The following ECT2 variants were observed in gnomAD, a reference collection of about 807,000 sequenced individuals.
ECT2 encodes epithelial cell transforming 2, also known as protein ECT2.
In ECT2, 61 loss-of-function variants were observed where a neutral mutation model predicts 116.9. That is an observed-to-expected ratio of 0.52 (90% CI 0.42 to 0.65). ECT2 has a LOEUF of 0.65. Among genes scored for constraint, ECT2 ranks in the 30% least tolerant of loss-of-function variants. The pLI, the probability that ECT2 is intolerant of heterozygous loss-of-function variation, is 0.00. For missense variants in ECT2, 937 were observed against 1,078.7 expected (o/e 0.87, Z 1.84); for synonymous variants, 358 against 346.4 (o/e 1.03, Z -0.37).
At chr3:172,801,819 T>G (rs1726771242) in intron 18 of ECT2, among the ~76,000 whole-genome samples, 4 of 152,210 alleles carry the variant, frequency 2.6e-5, no homozygotes. Flanking sequence ...TTTGACCAAT[T>G]TTTTTAGTTG....
intron 18 of ECT2, among the ~76,000 whole-genome samples, chr3:172,790,356 A>G (rs766164565): frequency 2.0e-5 from 3 of 152,220 alleles, no homozygotes; most frequent in Non-Finnish European, 2.9e-5. Flanking sequence ...CATTCCTACC[A>G]AGGGAAGAAA....
At chr3:172,769,479 A>T (rs1039177518) in intron 13 of ECT2, among the ~76,000 whole-genome samples, 1 of 152,112 alleles carries the variant, frequency 6.6e-6, no homozygotes, top group East Asian at 1.9e-4. Context: ...ACTTTTTCTG[A>T]AAGTATGGGT....
intron 18 of ECT2, among the ~76,000 whole-genome samples, chr3:172,787,603 C>T (rs1479941707): frequency 1.3e-5 from 2 of 151,998 alleles, no homozygotes; most frequent in Non-Finnish European, 2.9e-5. Flanking sequence ...TGCTTTTTTT[C>T]CCCTAGGACC....
At chr3:172,773,114 C>T (rs1174073130) in intron 13 of ECT2, among the ~76,000 whole-genome samples, 1 of 152,098 alleles carries the variant, frequency 6.6e-6, no homozygotes, top group Non-Finnish European at 1.5e-5. Flanking sequence ...ATTTATAAAT[C>T]AATTTGAGGG....
At chr3:172,822,668 G>A (rs2109454338), downstream of ECT2, among the ~76,000 whole-genome samples, 1 of 152,020 alleles carries the variant, frequency 6.6e-6, no homozygotes, top group Middle Eastern at 3.4e-3. Flanking sequence ...CAATCAAAAA[G>A]ATAATATAAG....
rs1723143356 is a variant in ECT2, at chr3:172,783,836, A to T, written c.1655A>T (p.Asn552Ile). The change falls in exon 16 of 25, where the codon AAC becomes ATC. Residue 552 changes from asparagine to isoleucine, a missense_variant. Physicochemically the swap from Asn to Ile is moderately radical, Grantham distance 149 (BLOSUM62 -3). Coordinates refer to ENST00000392692, the MANE Select transcript of ECT2 (RefSeq NM_001258315.2). ...DLVKTYPPFV[N>I]FFEMSKETII... is the part of the protein sequence containing the mutation. ...GTAAAAACCTACCCTCCCTTTGTAA[A>T]CTTCTTTGAAATGAGCAAGGAAACA... 1 of 1,605,662 alleles carries T rather than the reference A, an allele frequency of 6.2e-7. No individual in the cohort carries two copies. Among genetic ancestry groups the T allele is most frequent in the Admixed American group, 1.7e-5 (1 of 58,566 alleles).
rs1730666880 is a variant in ECT2, at chr3:172,821,373, T to TGG, written c.*1137_*1138insGG. ...TGACTATAGATTGTTTTCTATGCCA[T>TGG]GTATGTGCCACTTCTGAGAGTAGTA... is the stretch of plus-strand genomic sequence containing the variant. On this transcript the variant is annotated 3_prime_UTR_variant, in exon 25 of 25. Coordinates refer to ENST00000392692, the MANE Select transcript of ECT2 (RefSeq NM_001258315.2). The TGG allele has an allele frequency of 6.6e-6, 1 of 151,942 alleles. No individual in the cohort carries two copies. The allele number at this position is 151,942 out of a possible 1,614,324, so 9.4% of individuals were successfully genotyped here.
At chr3:172,792,885 C>CT (rs1164846386) in intron 18 of ECT2, among the ~76,000 whole-genome samples, 1 of 151,888 alleles carries the variant, frequency 6.6e-6, no homozygotes, top group African/African-American at 2.4e-5. Flanking sequence ...TGCCTGGCTA[C>CT]TTTTTTGTAT....
chr3:172,762,478 G>T lies in ECT2; in HGVS notation c.821G>T (p.Cys274Phe). 1 of 1,598,164 alleles carries T rather than the reference G, an allele frequency of 6.3e-7. No individual in the cohort carries two copies. Among genetic ancestry groups the T allele is most frequent in the South Asian group, 1.1e-5 (1 of 88,358 alleles). Residue 274 changes from cysteine (C) to phenylalanine (F), a missense_variant, in exon 9 of 25, where the codon TGT becomes TTT. By Grantham distance (205) the Cys-to-Phe change is radical. Coordinates refer to ENST00000392692, the MANE Select transcript of ECT2 (RefSeq NM_001258315.2). ...NEFKVPPFQD[C>F]ILSFLGFSDE... is the part of the protein sequence containing the mutation. ...TTTAAAGTTCCTCCATTTCAAGATT[G>T]TATTTTAAGTTTCCTGGGATTTTCA...
chr3:172,817,498 T>G (rs1295403060), intron 24 of ECT2, among the ~76,000 whole-genome samples: 5 of 152,082 alleles, frequency 3.3e-5, no homozygotes, highest in African/African-American at 1.2e-4. Context: ...TCCAATGACA[T>G]AGCAGAGACC....
the ECT2 span, among the ~76,000 whole-genome samples, chr3:172,827,681 G>A: frequency 6.6e-6 from 1 of 152,194 alleles, no homozygotes; most frequent in Non-Finnish European, 1.5e-5. Flanking sequence ...CAAAGATACA[G>A]TTAGATAGAA....
intron 7 of ECT2, 111 bp downstream of exon 7, chr3:172,760,374 A>G (rs771694856): frequency 5.4e-6 from 3 of 552,950 alleles, no homozygotes; most frequent in Non-Finnish European, 9.1e-6. Flanking sequence ...GAGAAACTCA[A>G]TTTTTGCTAT....
rs1730535407 is a variant in ECT2, at chr3:172,820,349, A to C, written c.*112A>C. 1 of 612,574 alleles carries C rather than the reference A, an allele frequency of 1.6e-6. No individual in the cohort carries two copies. Among genetic ancestry groups the C allele is most frequent in the Non-Finnish European group, 2.6e-6 (1 of 380,972 alleles). The allele number at this position is 612,574 out of a possible 1,614,324, so 37.9% of individuals were successfully genotyped here. ...ACTTGGTGAAAGCTGGAAGGAAGAT[A>C]AATAACACTAAACTATGCTATTTGA... is the stretch of plus-strand genomic sequence containing the variant. On this transcript the variant is annotated 3_prime_UTR_variant, in exon 25 of 25. Transcript: ENST00000392692.
At chr3:172,826,838 C>T in the ECT2 span, among the ~76,000 whole-genome samples, 1 of 152,118 alleles carries the variant, frequency 6.6e-6, no homozygotes, top group East Asian at 1.9e-4. Context: ...GCAAAGGAAA[C>T]AATCAACAAA....
At chr3:172,797,930 A>G (rs1313799905) in intron 18 of ECT2, among the ~76,000 whole-genome samples, 1 of 152,140 alleles carries the variant, frequency 6.6e-6, no homozygotes, top group Admixed American at 6.5e-5. Flanking sequence ...ATAAATGACT[A>G]TTATTTCACA....
chr3:172,802,526 A>G lies in ECT2; in HGVS notation c.1908-90A>G, dbSNP rs1425404663. 5.3e-5 allele frequency: 41 copies of G among 767,536 alleles called. No homozygotes were observed. The South Asian group carries it at 5.8e-4, about 11-fold the overall frequency. The allele number at this position is 767,536 out of a possible 1,614,324, so 47.5% of individuals were successfully genotyped here. A position where few individuals can be genotyped will look rare whatever the true frequency, so the allele number is the denominator to read the frequency against. ...ACTGATTCACTTATCAAAATAAGACATTCACATCAAACACAACTTGTGACA... is the reference window on the plus strand; with the variant it reads ...ACTGATTCACTTATCAAAATAAGACGTTCACATCAAACACAACTTGTGACA... On this transcript the variant is annotated intron_variant, in intron 18 of 24. Transcript: ENST00000392692.
chr3:172,757,300 T>C, intron 5 of ECT2, 135 bp downstream of exon 5: 1 of 612,252 alleles, frequency 1.6e-6, no homozygotes, highest in Non-Finnish European at 2.6e-6. Flanking sequence ...ATAGTGGCTA[T>C]TCTAATGTGG....
At chr3:172,796,109 G>A (rs1725591294) in intron 18 of ECT2, among the ~76,000 whole-genome samples, 4 of 152,158 alleles carry the variant, frequency 2.6e-5, no homozygotes, top group Admixed American at 2.6e-4. Context: ...ATTTTAAAAT[G>A]TCTGTGATAA....
At chr3:172,791,283 C>G (rs1345148904) in intron 18 of ECT2, among the ~76,000 whole-genome samples, 2 of 152,076 alleles carry the variant, frequency 1.3e-5, no homozygotes, top group African/African-American at 2.4e-5. Context: ...GGTCAGTGAT[C>G]ATTGGCTTCA....
Sources: allele counts gnomAD v4.1 joint callset (sites outside exome capture counted in the v4.1 genomes callset), GRCh38; gene constraint gnomAD v4.1.1; transcripts MANE v1.5; gene names NCBI Gene and HGNC (gene_info 2026-07-23, HGNC 2026-07-21).